The following CHST15 variants were observed in gnomAD, a reference collection of about 807,000 sequenced individuals.
The protein encoded by CHST15 is B cell RAG associated protein (GALNAC4S-6ST).
CHST15 carries 30 observed loss-of-function variants against 53.6 expected under a neutral mutation model. That is an observed-to-expected ratio of 0.56 (90% CI 0.42 to 0.76). The LOEUF (loss-of-function observed/expected upper bound fraction) is 0.76, where lower values mean the gene tolerates loss of function less well. Ranked by LOEUF, CHST15 falls within the 30% of genes least tolerant of loss-of-function variation. The pLI is 0.00. For synonymous variants in CHST15, 296 were observed against 289.8 expected (o/e 1.02, Z -0.22); for missense variants, 627 against 740.5 (o/e 0.85, Z 1.78).
intron 2 of CHST15, among the ~76,000 whole-genome samples, 199 bp downstream of exon 2, chr10:124,045,468 C>A (rs1164065847): frequency 6.6e-6 from 1 of 152,230 alleles, no homozygotes; most frequent in African/African-American, 2.4e-5. Flanking sequence ...ACAGCAGATT[C>A]CCTTCCTGGC....
chr10:124,082,037 C>A (rs1463204506), intron 1 of CHST15, among the ~76,000 whole-genome samples: 1 of 152,168 alleles, frequency 6.6e-6, no homozygotes, highest in African/African-American at 2.4e-5. Context: ...AGGTGCTGTT[C>A]TTATTCGGCC....
chr10:124,024,364 C>T lies in CHST15; in HGVS notation c.1191-2952G>A, dbSNP rs1946912249. ...CATCGGGTGCCTCTGACACAGCCCTCTAGAATTCATCCACGGCCAATGTCC... is the reference window on the plus strand; with the variant it reads ...CATCGGGTGCCTCTGACACAGCCCTTTAGAATTCATCCACGGCCAATGTCC... On this transcript the variant is annotated intron_variant, in intron 5 of 7. Coordinates refer to ENST00000435907, the MANE Select transcript of CHST15 (RefSeq NM_001270764.2). The surrounding 1 kb of genome is among the most constrained non-coding windows in gnomAD (Gnocchi z 4.0). Among the ~76,000 whole-genome samples, 1 of 152,186 alleles carries T rather than the reference C, an allele frequency of 6.6e-6. No homozygotes were observed. Among genetic ancestry groups the T allele is most frequent in the Non-Finnish European group, 1.5e-5 (1 of 68,028 alleles).
chr10:124,092,433 C>T (rs1164219874), intron 1 of CHST15: 1 of 152,184 alleles, frequency 6.6e-6, no homozygotes, highest in African/African-American at 2.4e-5. Context: ...TCCCGAGACG[C>T]GGCGGGGCGC....
In CHST15 at chr10:124,076,732, C is replaced by T. The variant is rs111519964; in HGVS notation, c.-513+16737G>A. Among the ~76,000 whole-genome samples, 1,043 of 147,162 alleles carry T rather than the reference C, an allele frequency of 7.1e-3. 11 individuals are homozygous for T. Among genetic ancestry groups the T allele is most frequent in the African/African-American group, 0.025 (1,000 of 39,596 alleles). ...TTAATTTTTTTTTTTTTTTTTGAGA[C>T]GGAGTCTCGCTCTGTCGCCCAGGCT... On this transcript the variant is annotated intron_variant, in intron 1 of 7. Coordinates refer to ENST00000435907, the MANE Select transcript of CHST15 (RefSeq NM_001270764.2).
intron 5 of CHST15, among the ~76,000 whole-genome samples, chr10:124,031,688 C>T (rs754549073): frequency 3.3e-5 from 5 of 152,008 alleles, no homozygotes; most frequent in Non-Finnish European, 7.4e-5. Flanking sequence ...ATAACTGATA[C>T]CTAATAATAA....
chr10:124,030,878 T>G (rs1410336503), intron 5 of CHST15, among the ~76,000 whole-genome samples: 2 of 152,252 alleles, frequency 1.3e-5, no homozygotes, highest in Non-Finnish European at 2.9e-5. Context: ...CTCAGCTCCC[T>G]TCTGTGTGTG....
In CHST15 at chr10:124,009,134, T is replaced by C; in HGVS notation, c.*1015A>G. 4 of 1,236,214 alleles carry C rather than the reference T, an allele frequency of 3.2e-6. No homozygotes were observed. Among genetic ancestry groups the C allele is most frequent in the Non-Finnish European group, 4.2e-6 (4 of 953,976 alleles). 76.6% of individuals were successfully genotyped at this position (1,236,214 alleles called of 1,614,324 possible). The stretch of plus-strand genomic sequence containing the variant: ...AATGGGAAGGCAGAGAAATGGAGCC[T>C]GTAGCCGGCCAGAACTAAAAATTAA... On this transcript the variant is annotated 3_prime_UTR_variant, in exon 8 of 8. Transcript: ENST00000435907.
Position 124,009,245 on chromosome 10 carries a change from T to A in CHST15, c.*904A>T. On this transcript the variant is annotated 3_prime_UTR_variant, in exon 8 of 8. Coordinates refer to ENST00000435907, the MANE Select transcript of CHST15 (RefSeq NM_001270764.2). ...CCAAGAAGTGTTCAATTCCTTGAGG[T>A]TGCTCATTCTGGCATTAACAGCAAA... 9.1e-7 allele frequency: 1 copy of A among 1,095,086 alleles called. No individual in the cohort carries two copies. The highest frequency in any genetic ancestry group is 1.1e-6 in the Non-Finnish European group (1 of 888,570). 67.8% of individuals were successfully genotyped at this position (1,095,086 alleles called of 1,614,324 possible). A position where few individuals can be genotyped will look rare whatever the true frequency, so the allele number is the denominator to read the frequency against.
At chr10:124,031,335 A>G (rs970006617) in intron 5 of CHST15, among the ~76,000 whole-genome samples, 5 of 152,202 alleles carry the variant, frequency 3.3e-5, no homozygotes, top group African/African-American at 1.2e-4. Context: ...CAGCAGGGAT[A>G]TATATGTTCT....
chr10:124,011,151 C>T (rs1331480450), intron 7 of CHST15: 10 of 937,674 alleles, frequency 1.1e-5, no homozygotes, highest in East Asian at 1.2e-4. Flanking sequence ...GCGACCCCAA[C>T]GCCCCGCCCT....
chr10:124,079,774 G>C (rs1465059030), intron 1 of CHST15, among the ~76,000 whole-genome samples: 1 of 152,212 alleles, frequency 6.6e-6, no homozygotes, highest in Admixed American at 6.5e-5. Context: ...CTCTGTCACA[G>C]CCAGGGCCGG....
chr10:124,007,670 G>A lies in CHST15; in HGVS notation c.*2479C>T. The A allele has an allele frequency of 8.2e-7, 1 of 1,214,542 alleles. No homozygotes were observed. Among genetic ancestry groups the A allele is most frequent in the Non-Finnish European group, 1.0e-6 (1 of 978,072 alleles). The allele number at this position is 1,214,542 out of a possible 1,614,324, so 75.2% of individuals were successfully genotyped here. On this transcript the variant is annotated 3_prime_UTR_variant, in exon 8 of 8. Transcript: ENST00000435907. ...TTCACTCATGCACCAGGAAGAGCTT[G>A]GCTGCAGAGGAAGAGCACGCGCTCC...
chr10:124,060,270 G>A (rs569948015), intron 1 of CHST15, among the ~76,000 whole-genome samples: 2 of 151,134 alleles, frequency 1.3e-5, no homozygotes, highest in South Asian at 4.2e-4. Context: ...GTGTGCAGAA[G>A]TGTACCTCCC....
chr10:124,012,212 G>C, intron 7 of CHST15, 121 bp downstream of exon 7: 1 of 1,127,410 alleles, frequency 8.9e-7, no homozygotes, highest in Non-Finnish European at 1.3e-6. Context: ...GACATCCCCA[G>C]GCCTCCCAGC....
chr10:124,045,428 C>G (rs1213431100), intron 2 of CHST15, among the ~76,000 whole-genome samples: 1 of 152,220 alleles, frequency 6.6e-6, no homozygotes, highest in Admixed American at 6.5e-5. Context: ...GAGCCAGCGG[C>G]CCTTGAACAT....
rs529821162 is a variant in CHST15, at chr10:124,090,075, GC to G, written c.-513+3393del. Among the ~76,000 whole-genome samples the G allele has an allele frequency of 1.9e-3, 287 of 152,288 alleles. 2 individuals carry two copies. The highest frequency in any genetic ancestry group is 6.8e-3 in the African/African-American group (281 of 41,550). Reference sequence around the variant, plus strand: ...GCAGCCATCAGTTCTTAGTCCCTGGGCCCACAATGGGTGTGGCTCCTGTGCC... The same window carrying G: ...GCAGCCATCAGTTCTTAGTCCCTGGGCCACAATGGGTGTGGCTCCTGTGCC... On this transcript the variant is annotated intron_variant, in intron 1 of 7. Coordinates refer to ENST00000435907, the MANE Select transcript of CHST15 (RefSeq NM_001270764.2).
At chr10:124,075,456 C>G (rs545783772) in intron 1 of CHST15, among the ~76,000 whole-genome samples, 1 of 152,296 alleles carries the variant, frequency 6.6e-6, no homozygotes, top group Non-Finnish European at 1.5e-5. Flanking sequence ...AGCACAGCGT[C>G]CCGGCTCCCT....
intron 1 of CHST15, among the ~76,000 whole-genome samples, chr10:124,077,717 T>C (rs561208060): frequency 6.6e-6 from 1 of 152,342 alleles, no homozygotes; most frequent in African/African-American, 2.4e-5. Flanking sequence ...AAGTATATGC[T>C]GATAATGCCC....
chr10:124,076,991 GA>G lies in CHST15; in HGVS notation c.-513+16477del, dbSNP rs546799279. On this transcript the variant is annotated intron_variant, in intron 1 of 7. Transcript: ENST00000435907. Reference sequence around the variant, plus strand: ...CCCAAAGTGTTGGGATTACAGGCGTGAGCCACCGCGCCCGGCCAATTCTTAA... The same window carrying G: ...CCCAAAGTGTTGGGATTACAGGCGTGGCCACCGCGCCCGGCCAATTCTTAA... Among the ~76,000 whole-genome samples the G allele has an allele frequency of 3.9e-5, 6 of 152,288 alleles. No individual in the cohort carries two copies. The East Asian group carries it at 1.2e-3, about 29-fold the overall frequency.
Sources: gnomAD v4.1 joint callset for allele counts (sites outside exome capture counted in the v4.1 genomes callset) on GRCh38, gnomAD v4.1.1 for gene constraint, Gnocchi (gnomAD v3.1) non-coding constraint, MANE v1.5 for transcripts, NCBI Gene and HGNC (gene_info 2026-07-23, HGNC 2026-07-21) for gene names.